CAMK1D: variants seen among roughly 807,000 people sequenced by gnomAD.
CAMK1D encodes calcium/calmodulin dependent protein kinase ID, also known as calcium/calmodulin-dependent protein kinase type 1D.
In CAMK1D, 9 loss-of-function variants were observed where a neutral mutation model predicts 47.7. The ratio of observed to expected loss-of-function variants is 0.19; its 90% CI spans 0.11 to 0.33. CAMK1D has a LOEUF of 0.33. CAMK1D is among the 10% of genes least tolerant of loss of function. The pLI is 1.00. For missense variants in CAMK1D, 291 were observed against 488.7 expected, an observed-to-expected ratio of 0.60 and a Z score of 3.81; for synonymous variants, 184 against 184.9, an observed-to-expected ratio of 0.99 and a Z score of 0.04.
chr10:12,672,926 T>C (rs1460228443), intron 3 of CAMK1D, among the ~76,000 whole-genome samples: 2 of 144,858 alleles, frequency 1.4e-5, no homozygotes, highest in African/African-American at 5.2e-5. Context: ...AGTCAGAGTT[T>C]TGCTTTATTG....
intron 1 of CAMK1D, among the ~76,000 whole-genome samples, chr10:12,452,261 T>C (rs143710360): frequency 0.011 from 1,649 of 152,260 alleles, 67 homozygotes; most frequent in Admixed American, 0.072. Context: ...TATTGTAAAC[T>C]GAATTTACAA....
chr10:12,544,586 G>A (rs1836298713), intron 1 of CAMK1D, among the ~76,000 whole-genome samples: 5 of 152,226 alleles, frequency 3.3e-5, no homozygotes, highest in Admixed American at 3.3e-4. Flanking sequence ...AATCAGGAAG[G>A]ACTCAAATAA....
intron 1 of CAMK1D, among the ~76,000 whole-genome samples, chr10:12,470,203 T>C (rs1419033738): frequency 2.6e-5 from 4 of 152,246 alleles, no homozygotes; most frequent in Non-Finnish European, 4.4e-5. Flanking sequence ...AAACTTTGGC[T>C]TTCTATATGG....
intron 1 of CAMK1D, among the ~76,000 whole-genome samples, chr10:12,481,397 C>G (rs1228386560): frequency 1.3e-5 from 2 of 152,194 alleles, no homozygotes; most frequent in Non-Finnish European, 2.9e-5. Context: ...CAGCAGCACC[C>G]ATTCCCTTAG....
chr10:12,596,858 CTT>C (rs1301968827), intron 2 of CAMK1D, among the ~76,000 whole-genome samples: 1 of 151,698 alleles, frequency 6.6e-6, no homozygotes, highest in Non-Finnish European at 1.5e-5. Flanking sequence ...TTTTTTTTCT[CTT>C]TTCTGCATTT....
intron 1 of CAMK1D, among the ~76,000 whole-genome samples, chr10:12,452,256 T>C (rs1184415609): frequency 6.6e-6 from 1 of 152,224 alleles, no homozygotes; most frequent in Non-Finnish European, 1.5e-5. Flanking sequence ...TGTATTATTG[T>C]AAACTGAATT....
intron 2 of CAMK1D, among the ~76,000 whole-genome samples, chr10:12,615,622 GTA>G (rs1272810526): frequency 6.8e-6 from 1 of 147,712 alleles, no homozygotes; most frequent in Non-Finnish European, 1.5e-5. Context: ...ATACGTATGT[GTA>G]GTGTGAGTGC....
At position 12,406,779 on chromosome 10, in the gene CAMK1D, T is replaced by C. The variant is rs570780612; in HGVS notation, c.92+56869T>C. Among the ~76,000 whole-genome samples, 9 of 143,060 alleles carry C rather than the reference T, an allele frequency of 6.3e-5. No homozygotes were observed. In the South Asian group the frequency reaches 1.8e-3, roughly 29 times the overall value. The allele number at this position is 143,060 out of a possible 152,430, so 93.9% of individuals were successfully genotyped here. A position where few individuals can be genotyped will look rare whatever the true frequency, so the allele number is the denominator to read the frequency against. ...CAAGGTATTGAACTCTGTAAAGTCA[T>C]GCGTCCAAATCTCCCTGGGCATCCT... is the stretch of plus-strand genomic sequence containing the variant. On this transcript the variant is annotated intron_variant, in intron 1 of 10. Coordinates refer to ENST00000619168, the MANE Select transcript of CAMK1D (RefSeq NM_153498.4).
chr10:12,745,181 C>T (rs183751616), intron 3 of CAMK1D, among the ~76,000 whole-genome samples: 4 of 152,196 alleles, frequency 2.6e-5, no homozygotes, highest in African/African-American at 9.7e-5. Context: ...CAGGCACCCA[C>T]CACCACGCCC....
At chr10:12,468,597 C>T (rs982144380) in intron 1 of CAMK1D, among the ~76,000 whole-genome samples, 2 of 152,152 alleles carry the variant, frequency 1.3e-5, no homozygotes, top group African/African-American at 4.8e-5. Flanking sequence ...AAAAAGACTC[C>T]TTCACAGCCC....
chr10:12,579,000 C>T (rs915236894), intron 2 of CAMK1D, among the ~76,000 whole-genome samples: 4 of 152,196 alleles, frequency 2.6e-5, no homozygotes, highest in South Asian at 2.1e-4. Context: ...AGACAGCAGC[C>T]CTTTAAGAAG....
chr10:12,481,517 C>CT (rs1186660803), intron 1 of CAMK1D, among the ~76,000 whole-genome samples: 79 of 149,562 alleles, frequency 5.3e-4, no homozygotes, highest in Non-Finnish European at 8.2e-4. Context: ...AAACTCTTCT[C>CT]TTTTTTTTTT....
rs139139073 is a variant in CAMK1D, at chr10:12,353,253, G to A, written c.92+3343G>A. 2.4e-3 allele frequency among the ~76,000 whole-genome samples: 367 copies of A among 152,272 alleles called. 1 individual carries two copies. Among genetic ancestry groups the A allele is most frequent in the Admixed American group, 7.0e-3 (107 of 15,272 alleles). On this transcript the variant is annotated intron_variant, in intron 1 of 10. Transcript: ENST00000619168. The stretch of plus-strand genomic sequence containing the variant: ...CTGGCATTCATTTCCAAAGTATGCC[G>A]CAGTTCCAGTCACTTTGTTTGCCCT...
chr10:12,604,030 C>T (rs1442635413), intron 2 of CAMK1D, among the ~76,000 whole-genome samples: 1 of 152,148 alleles, frequency 6.6e-6, no homozygotes, highest in African/African-American at 2.4e-5. Context: ...TATCCCTAGG[C>T]AGGGCTGGCC....
At chr10:12,822,174 C>CA (rs1402709931) in intron 8 of CAMK1D, among the ~76,000 whole-genome samples, 1 of 152,226 alleles carries the variant, frequency 6.6e-6, no homozygotes, top group Non-Finnish European at 1.5e-5. Context: ...CACTGAGCAT[C>CA]AGCGCTGTCC....
intron 1 of CAMK1D, among the ~76,000 whole-genome samples, chr10:12,408,471 C>T (rs1439895258): frequency 2.6e-5 from 4 of 152,146 alleles, no homozygotes; most frequent in Non-Finnish European, 4.4e-5. Context: ...CCGCACCTGG[C>T]CTGACTCTTT....
intron 1 of CAMK1D, among the ~76,000 whole-genome samples, chr10:12,412,588 A>G (rs1352007976): frequency 6.8e-6 from 1 of 146,146 alleles, no homozygotes; most frequent in Non-Finnish European, 1.5e-5. Context: ...GTGTCACTGC[A>G]CTCCAGCCTG....
intron 2 of CAMK1D, among the ~76,000 whole-genome samples, chr10:12,623,668 C>T (rs746242002): frequency 9.9e-5 from 15 of 151,824 alleles, no homozygotes; most frequent in African/African-American, 2.7e-4. Flanking sequence ...GGGCCTTTAC[C>T]GGTAGCTTAG....
chr10:12,795,478 A>T (rs1588938195), intron 6 of CAMK1D, among the ~76,000 whole-genome samples: 1 of 151,978 alleles, frequency 6.6e-6, no homozygotes, highest in South Asian at 2.1e-4. Context: ...CAGGGAGGCC[A>T]CCTCCCCACA....
Sources: gnomAD v4.1 joint callset for allele counts (sites outside exome capture counted in the v4.1 genomes callset) on GRCh38, gnomAD v4.1.1 for gene constraint, MANE v1.5 for transcripts, NCBI Gene and HGNC (gene_info 2026-07-23, HGNC 2026-07-21) for gene names.